Variants in TAFA1 observed in about 807,000 individuals in gnomAD.
TAFA1 encodes the protein chemokine-like protein TAFA-1.
In TAFA1, 4 loss-of-function variants were observed where a neutral mutation model predicts 18.5. The ratio of observed to expected loss-of-function variants is 0.22; its 90% confidence interval spans 0.11 to 0.49. The LOEUF is 0.49. Among genes scored for constraint, TAFA1 ranks in the 20% least tolerant of loss-of-function variants. The pLI is 0.98. For missense variants in TAFA1, 147 were observed against 169.0 expected, an observed-to-expected ratio of 0.87 and a Z score of 0.72; for synonymous variants, 56 against 55.2, an observed-to-expected ratio of 1.01 and a Z score of -0.06.
chr3:68,538,470 G>C (rs947162055), intron 3 of TAFA1, among the ~76,000 whole-genome samples: 5 of 152,142 alleles, frequency 3.3e-5, no homozygotes, highest in African/African-American at 1.2e-4. Flanking sequence ...GAAGCAAGAT[G>C]GAGTCAGCTA....
At chr3:68,193,305 A>T (rs2107019058) in intron 2 of TAFA1, among the ~76,000 whole-genome samples, 1 of 151,942 alleles carries the variant, frequency 6.6e-6, no homozygotes, top group East Asian at 1.9e-4. Flanking sequence ...TGTAATAAAA[A>T]GGTATTTTAA....
At chr3:68,114,843 T>C (rs927544787) in intron 2 of TAFA1, among the ~76,000 whole-genome samples, 1 of 152,212 alleles carries the variant, frequency 6.6e-6, no homozygotes, top group African/African-American at 2.4e-5. Context: ...TATACTCATA[T>C]AATGGAATCC....
At chr3:68,026,617 C>T in intron 2 of TAFA1, among the ~76,000 whole-genome samples, 1 of 151,792 alleles carries the variant, frequency 6.6e-6, no homozygotes, top group Middle Eastern at 3.2e-3. Context: ...TTTTATTATC[C>T]CAGTTTTTCA....
At chr3:68,392,176 CAAAAAA>C (rs57440480) in intron 2 of TAFA1, among the ~76,000 whole-genome samples, 4 of 109,304 alleles carry the variant, frequency 3.7e-5, no homozygotes, top group Non-Finnish European at 7.4e-5. Flanking sequence ...TTTAGGAAAG[CAAAAAA>C]AAAAAAAAAA....
At chr3:68,306,173 G>C (rs943296887) in intron 2 of TAFA1, among the ~76,000 whole-genome samples, 5 of 152,222 alleles carry the variant, frequency 3.3e-5, no homozygotes, top group African/African-American at 1.2e-4. Context: ...GAATACTAGA[G>C]TTGGTTAAAT....
chr3:68,442,768 A>T (rs2071407179), intron 3 of TAFA1, among the ~76,000 whole-genome samples: 1 of 152,148 alleles, frequency 6.6e-6, no homozygotes, highest in Admixed American at 6.6e-5. Context: ...GAAACCAGAA[A>T]TGGATTTTAG....
intron 2 of TAFA1, among the ~76,000 whole-genome samples, chr3:68,200,653 T>C (rs555388592): frequency 6.6e-6 from 1 of 151,724 alleles, no homozygotes; most frequent in East Asian, 2.0e-4. Context: ...ATACTTTCAA[T>C]GTACATGGGA....
intron 2 of TAFA1, among the ~76,000 whole-genome samples, chr3:68,223,751 G>A (rs1195482176): frequency 6.6e-6 from 1 of 152,058 alleles, no homozygotes; most frequent in African/African-American, 2.4e-5. Flanking sequence ...TGTATTCAGG[G>A]CCATGATGAA....
At chr3:68,136,812 A>T (rs1025052721) in intron 2 of TAFA1, among the ~76,000 whole-genome samples, 4 of 152,154 alleles carry the variant, frequency 2.6e-5, no homozygotes, top group African/African-American at 9.7e-5. Context: ...CTCTTCCATC[A>T]GTGTACATCT....
intron 2 of TAFA1, among the ~76,000 whole-genome samples, chr3:68,190,986 T>C (rs1447279852): frequency 6.6e-6 from 1 of 151,808 alleles, no homozygotes; most frequent in Non-Finnish European, 1.5e-5. Context: ...TTGTACTACT[T>C]ATGTTTTAAA....
intron 2 of TAFA1, among the ~76,000 whole-genome samples, chr3:68,158,944 T>C (rs1029174542): frequency 6.6e-6 from 1 of 152,104 alleles, no homozygotes. Context: ...AAGGAAGAAA[T>C]GAAATCCCAA....
intron 2 of TAFA1, among the ~76,000 whole-genome samples, chr3:68,251,782 G>A (rs1452310350): frequency 1.3e-5 from 2 of 152,188 alleles, no homozygotes; most frequent in East Asian, 1.9e-4. Context: ...CTGATAGATA[G>A]TGCCAAAGCC....
chr3:68,290,280 T>C (rs1188356333), intron 2 of TAFA1, among the ~76,000 whole-genome samples: 4 of 152,202 alleles, frequency 2.6e-5, no homozygotes, highest in Non-Finnish European at 5.9e-5. Flanking sequence ...CTAGTATTAA[T>C]GTTCTATGGA....
At chr3:68,158,142 C>T (rs1194570077) in intron 2 of TAFA1, among the ~76,000 whole-genome samples, 3 of 152,152 alleles carry the variant, frequency 2.0e-5, no homozygotes, top group African/African-American at 4.8e-5. Context: ...TTTTATTCGC[C>T]TGACAGTCCC....
intron 2 of TAFA1, among the ~76,000 whole-genome samples, chr3:68,079,391 T>C (rs2064868367): frequency 6.6e-6 from 1 of 152,228 alleles, no homozygotes; most frequent in Non-Finnish European, 1.5e-5. Context: ...TCTAGTTCTT[T>C]TAATTGTGAT....
intron 2 of TAFA1, 140 bp downstream of exon 2, chr3:68,006,884 G>A (rs1704368584): frequency 1.1e-5 from 7 of 645,108 alleles, no homozygotes; most frequent in East Asian, 2.6e-5. Flanking sequence ...TTGGCTGGAT[G>A]CTTTGGGGGA....
intron 2 of TAFA1, among the ~76,000 whole-genome samples, chr3:68,112,226 T>A (rs1300666266): frequency 6.6e-6 from 1 of 152,162 alleles, no homozygotes; most frequent in Non-Finnish European, 1.5e-5. Flanking sequence ...AGGACAATTA[T>A]GAGTCCTGTC....
chr3:68,075,911 G>C (rs958536188), intron 2 of TAFA1, among the ~76,000 whole-genome samples: 4 of 152,176 alleles, frequency 2.6e-5, no homozygotes, highest in African/African-American at 9.6e-5. Context: ...TTCCCAGGCT[G>C]GTCTTGAACT....
At chr3:68,424,420 C>T (rs2106818141) in intron 3 of TAFA1, among the ~76,000 whole-genome samples, 2 of 151,992 alleles carry the variant, frequency 1.3e-5, no homozygotes, top group East Asian at 3.9e-4. Context: ...ATTCATTTTC[C>T]CCAAGAACTG....
Sources: gnomAD v4.1 joint callset for allele counts (sites outside exome capture counted in the v4.1 genomes callset) on GRCh38, gnomAD v4.1.1 for gene constraint, MANE v1.5 for transcripts, NCBI Gene and HGNC (gene_info 2026-07-23, HGNC 2026-07-21) for gene names.